The following TAFA4 variants were observed in gnomAD, a reference collection of about 807,000 sequenced individuals.
The protein encoded by TAFA4 is chemokine-like protein TAFA-4.
A neutral mutation model predicts 21.1 loss-of-function variants in TAFA4; 20 were observed. That is an observed-to-expected ratio of 0.95 (90% CI 0.67 to 1.38). The LOEUF (loss-of-function observed/expected upper bound fraction) is 1.38. Ranked by LOEUF, TAFA4 falls within the 40% of genes most tolerant of loss-of-function variation. The pLI, the probability that TAFA4 is intolerant of heterozygous loss-of-function variation, is 0.00. For missense variants in TAFA4, 211 were observed against 180.9 expected, an observed-to-expected ratio of 1.17 and a Z score of -0.95; for synonymous variants, 71 against 67.4, an observed-to-expected ratio of 1.05 and a Z score of -0.26.
rs183948125 is a variant in TAFA4, at chr3:68,811,178, C to A, written c.131-58160G>T. Among the ~76,000 whole-genome samples the A allele has an allele frequency of 3.5e-4, 54 of 152,252 alleles. No individual in the cohort carries two copies. The East Asian group carries it at 4.1e-3, about 11-fold the overall frequency. ...ACACCAAAACCCCATCTGTCGGTCA[C>A]CATCATCAAAGACCAAAGGGTAGAT... On this transcript the variant is annotated intron_variant, in intron 3 of 5. Transcript: ENST00000295569.
At chr3:68,805,021 A>G (rs1703662027) in intron 3 of TAFA4, among the ~76,000 whole-genome samples, 1 of 152,226 alleles carries the variant, frequency 6.6e-6, no homozygotes, top group Admixed American at 6.5e-5. Context: ...CAGGCAACCT[A>G]CAAAATGGGA....
At chr3:68,825,096 T>A (rs1211994994) in intron 3 of TAFA4, among the ~76,000 whole-genome samples, 2 of 152,182 alleles carry the variant, frequency 1.3e-5, no homozygotes, top group Admixed American at 6.5e-5. Context: ...AAGCCCAGCA[T>A]ACATTTGCTA....
intron 3 of TAFA4, among the ~76,000 whole-genome samples, chr3:68,792,245 G>A: frequency 6.6e-6 from 1 of 152,242 alleles, no homozygotes; most frequent in South Asian, 2.1e-4. Flanking sequence ...CATCATTAGT[G>A]GAGGGAAATC....
intron 3 of TAFA4, among the ~76,000 whole-genome samples, chr3:68,783,757 G>GAAAGAA (rs1310357090): frequency 6.7e-6 from 1 of 149,072 alleles, no homozygotes; most frequent in African/African-American, 2.5e-5. Context: ...AAGAAAGAAA[G>GAAAGAA]AAACAAAAAC....
chr3:68,812,214 A>G (rs1255592124), intron 3 of TAFA4, among the ~76,000 whole-genome samples: 1 of 152,246 alleles, frequency 6.6e-6, no homozygotes, highest in Admixed American at 6.5e-5. Context: ...CAGCTACTGC[A>G]AAAACATGCC....
chr3:68,889,547 C>G (rs755437886), intron 1 of TAFA4, among the ~76,000 whole-genome samples: 1 of 152,130 alleles, frequency 6.6e-6, no homozygotes, highest in Non-Finnish European at 1.5e-5. Context: ...AATACCTCTT[C>G]GGTCTGCTAC....
intron 3 of TAFA4, among the ~76,000 whole-genome samples, chr3:68,825,181 T>C (rs1704200690): frequency 6.6e-6 from 1 of 152,176 alleles, no homozygotes; most frequent in South Asian, 2.1e-4. Flanking sequence ...TGTGTCCATC[T>C]CTTCTCATTG....
intron 4 of TAFA4, among the ~76,000 whole-genome samples, chr3:68,744,015 G>T (rs896221875): frequency 6.6e-6 from 1 of 152,144 alleles, no homozygotes; most frequent in African/African-American, 2.4e-5. Context: ...ACCATCTGCA[G>T]GACTAGAAAA....
At chr3:68,904,529 C>T (rs548584399) in intron 1 of TAFA4, among the ~76,000 whole-genome samples, 131 of 152,264 alleles carry the variant, frequency 8.6e-4, no homozygotes, top group African/African-American at 3.1e-3. Context: ...CAAGTGTCTA[C>T]GCAGGCTATG....
intron 3 of TAFA4, among the ~76,000 whole-genome samples, chr3:68,794,365 T>A (rs1703418043): frequency 6.6e-6 from 1 of 152,196 alleles, no homozygotes; most frequent in South Asian, 2.1e-4. Flanking sequence ...TAAATAAAGA[T>A]CATTGTATTT....
chr3:68,800,092 T>C (rs1244712572), intron 3 of TAFA4, among the ~76,000 whole-genome samples: 1 of 152,206 alleles, frequency 6.6e-6, no homozygotes, highest in Non-Finnish European at 1.5e-5. Context: ...TTACTGATTC[T>C]GCATTATGGT....
intron 3 of TAFA4, among the ~76,000 whole-genome samples, chr3:68,857,864 C>T (rs1705106087): frequency 6.6e-6 from 1 of 151,924 alleles, no homozygotes; most frequent in Non-Finnish European, 1.5e-5. Context: ...GGGAGAGAGC[C>T]ATATTACCTG....
chr3:68,756,683 G>A (rs1702665763), intron 3 of TAFA4, among the ~76,000 whole-genome samples: 1 of 152,158 alleles, frequency 6.6e-6, no homozygotes, highest in Non-Finnish European at 1.5e-5. Flanking sequence ...GACAGAACCA[G>A]TACCCAGAGA....
chr3:68,912,180 A>C (rs545165531), intron 1 of TAFA4, among the ~76,000 whole-genome samples: 33 of 152,334 alleles, frequency 2.2e-4, no homozygotes, highest in African/African-American at 7.2e-4. Flanking sequence ...AATATGAGCC[A>C]GTTTTGCTTT....
chr3:68,867,073 A>C (rs2089429347), intron 3 of TAFA4, among the ~76,000 whole-genome samples: 2 of 152,188 alleles, frequency 1.3e-5, no homozygotes, highest in African/African-American at 4.8e-5. Flanking sequence ...TCCAGGTACA[A>C]GGATGTCAGA....
intron 3 of TAFA4, among the ~76,000 whole-genome samples, chr3:68,848,705 CT>C (rs1704870413): frequency 6.6e-6 from 1 of 152,182 alleles, no homozygotes; most frequent in African/African-American, 2.4e-5. Context: ...ACAGTAATTT[CT>C]GTTGCCAACT....
At chr3:68,886,625 A>T (rs2089675219) in intron 1 of TAFA4, among the ~76,000 whole-genome samples, 2 of 152,222 alleles carry the variant, frequency 1.3e-5, no homozygotes, top group Non-Finnish European at 2.9e-5. Context: ...AAATAGATCC[A>T]TCAGTGGAAA....
intron 3 of TAFA4, among the ~76,000 whole-genome samples, chr3:68,851,684 T>G (rs1190973770): frequency 7.2e-5 from 11 of 152,114 alleles, no homozygotes; most frequent in Admixed American, 7.2e-4. Flanking sequence ...ATTGCACAAC[T>G]TGCCATTACC....
chr3:68,777,593 G>C (rs1703072146), intron 3 of TAFA4, among the ~76,000 whole-genome samples: 1 of 151,998 alleles, frequency 6.6e-6, no homozygotes, highest in South Asian at 2.1e-4. Context: ...AGGAGGTATA[G>C]ATAATTAGTA....
Sources: allele counts gnomAD v4.1 joint callset (sites outside exome capture counted in the v4.1 genomes callset), GRCh38; gene constraint gnomAD v4.1.1; transcripts MANE v1.5; gene names NCBI Gene and HGNC (gene_info 2026-07-23, HGNC 2026-07-21).